Variants in HDAC9 observed in about 807,000 individuals in gnomAD.
The protein encoded by HDAC9 is MEF-2 interacting transcription repressor (MITR) protein.
Under a neutral mutation model 139.4 loss-of-function variants are expected in HDAC9, and 41 were observed. The observed-to-expected ratio is 0.29, with a 90% CI of 0.23 to 0.38. The LOEUF (loss-of-function observed/expected upper bound fraction) is 0.38. Ranked by LOEUF, HDAC9 falls within the 10% of genes least tolerant of loss-of-function variation. The pLI is 1.00. For missense variants in HDAC9, 1,147 were observed against 1,297.0 expected, an observed-to-expected ratio of 0.88 and a Z score of 1.78; for synonymous variants, 517 against 476.2, an observed-to-expected ratio of 1.09 and a Z score of -1.12.
At chr7:18,985,417 G>T (rs1160979171) in intron 25 of HDAC9, among the ~76,000 whole-genome samples, 1 of 152,170 alleles carries the variant, frequency 6.6e-6, no homozygotes, top group Non-Finnish European at 1.5e-5. Flanking sequence ...TTTTATGGCT[G>T]CATGGTATTC....
intron 1 of HDAC9, among the ~76,000 whole-genome samples, chr7:18,107,506 GCTCTCT>G (rs149147226): frequency 3.4e-5 from 5 of 147,988 alleles, no homozygotes; most frequent in South Asian, 2.1e-4. Context: ...TCTCTTTCTT[GCTCTCT>G]CTCTCTCTCT....
chr7:18,185,160 G>C (rs1789803723), intron 2 of HDAC9, among the ~76,000 whole-genome samples: 1 of 152,186 alleles, frequency 6.6e-6, no homozygotes, highest in African/African-American at 2.4e-5. Flanking sequence ...TTTACTTACA[G>C]ACAGTGATCG....
intron 2 of HDAC9, among the ~76,000 whole-genome samples, chr7:18,580,917 C>A (rs1200315410): frequency 1.3e-5 from 2 of 152,126 alleles, no homozygotes; most frequent in Non-Finnish European, 2.9e-5. Flanking sequence ...CCTGGGGAGG[C>A]TTATTAGCCT....
intron 1 of HDAC9, among the ~76,000 whole-genome samples, chr7:18,359,667 G>A (rs1346284962): frequency 1.3e-5 from 2 of 152,086 alleles, no homozygotes; most frequent in East Asian, 1.9e-4. Context: ...GGAGTGCAGT[G>A]GCACACTCTC....
chr7:18,124,223 T>C (rs568182796), intron 1 of HDAC9, among the ~76,000 whole-genome samples: 1 of 152,164 alleles, frequency 6.6e-6, no homozygotes, highest in Non-Finnish European at 1.5e-5. Flanking sequence ...TGTAGACAAA[T>C]AAGAAGGTGG....
chr7:18,187,866 T>G (rs1790037587), intron 2 of HDAC9, among the ~76,000 whole-genome samples: 1 of 152,224 alleles, frequency 6.6e-6, no homozygotes, highest in Admixed American at 6.5e-5. Context: ...TCAGTGTGCT[T>G]CTTCCTGTGC....
intron 25 of HDAC9, among the ~76,000 whole-genome samples, chr7:18,979,484 A>G (rs1230646538): frequency 6.6e-6 from 1 of 152,218 alleles, no homozygotes; most frequent in Non-Finnish European, 1.5e-5. Flanking sequence ...TGATACCATT[A>G]TGTTAAGTAC....
intron 13 of HDAC9, among the ~76,000 whole-genome samples, chr7:18,732,902 C>CGTGTGTAT (rs1370272540): frequency 3.3e-5 from 2 of 61,194 alleles, no homozygotes; most frequent in African/African-American, 2.3e-4. Flanking sequence ...TACACACACA[C>CGTGTGTAT]GTGTGCGTAT....
At chr7:18,754,034 C>T (rs559918332) in intron 14 of HDAC9, among the ~76,000 whole-genome samples, 1 of 152,098 alleles carries the variant, frequency 6.6e-6, no homozygotes, top group Admixed American at 6.6e-5. Context: ...GATTAGTAGC[C>T]AGAGAAAACA....
chr7:18,749,037 C>G lies in HDAC9; in HGVS notation c.1942C>G (p.Gln648Glu). ...CTATGACCCCTTGATGCTGAAACACCAGTGCGTTTGTGGCAATTCCACCAC... is the reference window on the plus strand; with the variant it reads ...CTATGACCCCTTGATGCTGAAACACGAGTGCGTTTGTGGCAATTCCACCAC... ...IAYDPLMLKH[Q>E]CVCGNSTTHP... Residue 648 changes from glutamine to glutamate, a missense_variant, in exon 14 of 26, where the codon CAG (glutamine) becomes GAG (glutamate). By Grantham distance (29) the Gln-to-Glu change is conservative (BLOSUM62 2). This residue lies in a region of HDAC9 where 407 missense variants were observed against 521.5 expected (regional missense o/e 0.78). Transcript: ENST00000686413. 1 of 1,613,540 alleles carries G rather than the reference C, an allele frequency of 6.2e-7. No individual in the cohort carries two copies. The highest frequency in any genetic ancestry group is 8.5e-7 in the Non-Finnish European group (1 of 1,179,720).
At chr7:18,707,748 A>G (rs540801975) in intron 12 of HDAC9, among the ~76,000 whole-genome samples, 9 of 152,318 alleles carry the variant, frequency 5.9e-5, no homozygotes, top group African/African-American at 2.2e-4. Flanking sequence ...TGAGCATGTC[A>G]TACTTTTAAA....
At chr7:18,822,334 G>T (rs980257319) in intron 17 of HDAC9, among the ~76,000 whole-genome samples, 1 of 132,168 alleles carries the variant, frequency 7.6e-6, no homozygotes, top group Admixed American at 7.7e-5. Flanking sequence ...TTTGGTTTTT[G>T]TTTGTTTGTT....
chr7:18,862,288 A>G (rs943579911), intron 21 of HDAC9, among the ~76,000 whole-genome samples: 4 of 152,178 alleles, frequency 2.6e-5, no homozygotes, highest in Admixed American at 2.0e-4. Flanking sequence ...AAGGGGGAAA[A>G]AAGTGTCCCT....
intron 25 of HDAC9, among the ~76,000 whole-genome samples, chr7:18,993,665 T>C (rs1435680450): frequency 2.0e-5 from 3 of 151,816 alleles, no homozygotes; most frequent in African/African-American, 7.3e-5. Flanking sequence ...TAGCCCAGCA[T>C]GGTGGCACAT....
intron 13 of HDAC9, among the ~76,000 whole-genome samples, chr7:18,743,505 C>T (rs1280103282): frequency 6.6e-6 from 1 of 151,308 alleles, no homozygotes; most frequent in East Asian, 1.9e-4. Context: ...TTAAAAATTA[C>T]ACTGTTTGGT....
chr7:18,728,552 G>A (rs1004246161), intron 13 of HDAC9, among the ~76,000 whole-genome samples: 4 of 152,074 alleles, frequency 2.6e-5, no homozygotes, highest in African/African-American at 9.7e-5. Context: ...TTCTCAAACT[G>A]TGGCTAATCA....
chr7:18,899,799 T>C (rs935832474), intron 22 of HDAC9, among the ~76,000 whole-genome samples: 20 of 152,102 alleles, frequency 1.3e-4, no homozygotes, highest in African/African-American at 4.6e-4. Flanking sequence ...TCCACACTAA[T>C]CACATCTAAC....
chr7:18,428,726 C>G (rs961105329), intron 1 of HDAC9, among the ~76,000 whole-genome samples: 3 of 152,182 alleles, frequency 2.0e-5, no homozygotes, highest in Admixed American at 6.5e-5. Context: ...CTTCTCTGCT[C>G]AGAACCCTCC....
chr7:18,253,104 A>G (rs1233532103), intron 2 of HDAC9, among the ~76,000 whole-genome samples: 1 of 152,214 alleles, frequency 6.6e-6, no homozygotes, highest in Non-Finnish European at 1.5e-5. Context: ...TTATGACTGC[A>G]TAGTATTCCA....
Sources: gnomAD v4.1 joint callset for allele counts (sites outside exome capture counted in the v4.1 genomes callset) on GRCh38, gnomAD v4.1.1 for gene constraint, gnomAD v4.1.1 regional missense constraint, MANE v1.5 for transcripts, NCBI Gene and HGNC (gene_info 2026-07-23, HGNC 2026-07-21) for gene names.